The following SETX variants were observed in gnomAD, a reference collection of about 807,000 sequenced individuals.
The protein encoded by SETX is senataxin, also known as helicase senataxin.
SETX carries 90 observed loss-of-function variants against 227.2 expected under a neutral mutation model. The ratio of observed to expected loss-of-function variants is 0.40; its 90% CI spans 0.33 to 0.47. The LOEUF is 0.47. Among genes scored for constraint, SETX ranks in the 20% least tolerant of loss-of-function variants. SETX has a pLI of 0.91. For missense variants in SETX, 3,052 were observed against 3,181.5 expected (o/e 0.96, Z 0.98); for synonymous variants, 1,210 against 1,113.2 (o/e 1.09, Z -1.73).
chr9:132,277,234 G>T, intron 21 of SETX, 82 bp from the exon 22 acceptor site: 1 of 1,229,824 alleles, frequency 8.1e-7, no homozygotes, highest in Non-Finnish European at 1.2e-6. Flanking sequence ...AATTTTTTCT[G>T]TGTGGTGATG....
At chr9:132,312,474 T>C (rs1191642087) in intron 10 of SETX, among the ~76,000 whole-genome samples, 1 of 152,204 alleles carries the variant, frequency 6.6e-6, no homozygotes, top group Non-Finnish European at 1.5e-5. Context: ...CTAACAAATA[T>C]ATTACCTTTT....
Position 132,305,398 on chromosome 9 carries a change from G to T in SETX, c.5375-4595C>A, listed in dbSNP as rs867857077. ...TATTTCGAACAAAAACCTCAAAAAT[G>T]AAAAAAAATTTAAAAAAAATTTTTT... is the stretch of plus-strand genomic sequence containing the variant. On this transcript the variant is annotated intron_variant, in intron 11 of 25. Coordinates refer to ENST00000224140, the MANE Select transcript of SETX (RefSeq NM_015046.7). Among the ~76,000 whole-genome samples the T allele has an allele frequency of 7.0e-4, 100 of 143,744 alleles. 1 individual carries two copies. The highest frequency in any genetic ancestry group is 2.4e-3 in the African/African-American group (92 of 38,802). 94.3% of individuals were successfully genotyped at this position (143,744 alleles called of 152,430 possible).
chr9:132,300,906 C>A, intron 11 of SETX, 103 bp from the exon 12 acceptor site: 1 of 1,051,170 alleles, frequency 9.5e-7, no homozygotes. Context: ...TTCAAAAATA[C>A]ACAGCACTAA....
intron 5 of SETX, among the ~76,000 whole-genome samples, chr9:132,338,132 C>T (rs1043758151): frequency 2.0e-5 from 3 of 148,192 alleles, no homozygotes; most frequent in African/African-American, 5.0e-5. Flanking sequence ...TACTCTATCG[C>T]CCAGGCTGGC....
chr9:132,332,756 A>G (rs1470151187), intron 7 of SETX, among the ~76,000 whole-genome samples: 1 of 151,746 alleles, frequency 6.6e-6, no homozygotes, highest in Non-Finnish European at 1.5e-5. Flanking sequence ...CTTTGTCTCT[A>G]GCAAAAATTT....
chr9:132,353,488 C>T lies in SETX; in HGVS notation c.-8+161G>A, dbSNP rs187132021. On this transcript the variant is annotated intron_variant, in intron 2 of 25. Transcript: ENST00000224140. ...AGAACAACCAGTGTGCAAGCTCTTC[C>T]TGAGTGTCATCACGTCTGGGGGGGG... is the stretch of plus-strand genomic sequence containing the variant. Among the ~76,000 whole-genome samples the T allele has an allele frequency of 8.0e-3, 1,220 of 152,038 alleles. 7 individuals carry two copies. Among genetic ancestry groups the T allele is most frequent in the Non-Finnish European group, 0.014 (927 of 68,000 alleles).
intron 10 of SETX, 135 bp downstream of exon 10, chr9:132,326,189 C>T (rs1446982081): frequency 1.4e-6 from 1 of 719,968 alleles, no homozygotes; most frequent in Non-Finnish European, 2.4e-6. Context: ...GCCTCAGCCT[C>T]CCGAGTAGCT....
At chr9:132,312,637 G>A (rs960591216) in intron 10 of SETX, among the ~76,000 whole-genome samples, 2 of 152,148 alleles carry the variant, frequency 1.3e-5, no homozygotes, top group African/African-American at 2.4e-5. Flanking sequence ...GACTCCACAA[G>A]GGTTATGCTA....
intron 5 of SETX, among the ~76,000 whole-genome samples, chr9:132,339,597 C>T (rs7869435): frequency 0.9 from 136,290 of 152,246 alleles, 61,114 homozygotes; most frequent in Non-Finnish European, 0.92. Context: ...GGGATCTAAC[C>T]TCTCTTTCCA....
chr9:132,298,691 A>G (rs1219863492), intron 12 of SETX, among the ~76,000 whole-genome samples: 4 of 152,232 alleles, frequency 2.6e-5, no homozygotes, highest in African/African-American at 7.2e-5. Context: ...ATAGTACTAC[A>G]TGCAGAAAAT....
At position 132,329,115 on chromosome 9, in the gene SETX, T is replaced by A; in HGVS notation, c.2483A>T (p.Asp828Val). 1.2e-6 allele frequency: 2 copies of A among 1,610,264 alleles called. No homozygotes were observed. Among genetic ancestry groups the A allele is most frequent in the South Asian group, 1.1e-5 (1 of 90,626 alleles). ...SNIESFYSRKDTGVQKGDGFI... is the reference protein window; with the variant it reads ...SNIESFYSRKVTGVQKGDGFI... The stretch of plus-strand genomic sequence containing the variant: ...ACCATCTCCTTTCTGAACTCCTGTA[T>A]CTTTCCTTGAATAGAAACTCTCAAT... Residue 828 changes from aspartate to valine, a missense_variant, in exon 10 of 26, where the codon GAT becomes GTT. Around this residue, in one of 10 missense-constraint regions of SETX, gnomAD observed 1,483 missense variants for 1,312.0 expected, o/e 1.13. Transcript: ENST00000224140.
At chr9:132,296,784 A>AC (rs1220349724) in intron 14 of SETX, 103 bp downstream of exon 14, 2 of 1,071,704 alleles carry the variant, frequency 1.9e-6, no homozygotes. Flanking sequence ...TATACAAATC[A>AC]AAGAGGAAAT....
At chr9:132,294,731 C>T (rs1418490540) in intron 15 of SETX, among the ~76,000 whole-genome samples, 2 of 152,142 alleles carry the variant, frequency 1.3e-5, no homozygotes, top group East Asian at 1.9e-4. Context: ...CTTTTCCTCA[C>T]ACTTGCTGGA....
intron 22 of SETX, among the ~76,000 whole-genome samples, 176 bp downstream of exon 22, chr9:132,276,884 T>C (rs1287811681): frequency 1.3e-5 from 2 of 152,188 alleles, no homozygotes; most frequent in East Asian, 3.8e-4. Context: ...GCTTATGACA[T>C]TAGGTAATAT....
In SETX at chr9:132,288,525, AGTATAT is replaced by A; in HGVS notation, c.6208+19_6208+24del. On this transcript the variant is annotated intron_variant, in intron 16 of 25. Coordinates refer to ENST00000224140, the MANE Select transcript of SETX (RefSeq NM_015046.7). ...CACCAAACAAAACAGAGAAAACACT[AGTATAT>A]ACCACATTCAGTACTTACTCATTCT... The A allele has an allele frequency of 6.5e-7, 1 of 1,548,134 alleles. No homozygotes were observed. Among genetic ancestry groups the A allele is most frequent in the Non-Finnish European group, 8.9e-7 (1 of 1,120,134 alleles).
rs148215896 is a variant in SETX at position 132,281,640 on chromosome 9, T to C, written c.6547-66A>G. ...TTGCTATTTATCCATATAGTTTATC[T>C]GATTAAAGTTCTAACCATTCAGAAA... On this transcript the variant is annotated intron_variant, in intron 19 of 25. Coordinates refer to ENST00000224140, the MANE Select transcript of SETX (RefSeq NM_015046.7). 1.1e-4 allele frequency: 123 copies of C among 1,125,996 alleles called. No individual in the cohort carries two copies. In the African/African-American group the frequency reaches 1.5e-3, roughly 13 times the overall value. The allele number at this position is 1,125,996 out of a possible 1,614,324, so 69.8% of individuals were successfully genotyped here.
Position 132,327,931 on chromosome 9 carries a change from ACTT to A in SETX, c.3664_3666del (p.Lys1222del), listed in dbSNP as rs1238089698. On this transcript the variant is annotated inframe_deletion, in exon 10 of 26. Transcript: ENST00000224140. Reference sequence around the variant, plus strand: ...TCTGTACAAGTACAAAGCTTTGAAGACTTCTTTTGTGAAACCGTAGTGGCTCTC... The same window carrying A: ...TCTGTACAAGTACAAAGCTTTGAAGACTTTTGTGAAACCGTAGTGGCTCTC... 13 of 1,613,948 alleles carry A rather than the reference ACTT, an allele frequency of 8.1e-6. No homozygotes were observed. The highest frequency in any genetic ancestry group is 1.3e-5 in the African/African-American group (1 of 74,888).
At position 132,286,514 on chromosome 9, in the gene SETX, T is replaced by C. The variant is rs185222249; in HGVS notation, c.6325-20A>G. ...TTGCCTCTGGAAAAAAATTCAAATG[T>C]CACAATTAAAACTAAACTAAGCATT... On this transcript the variant is annotated intron_variant, in intron 17 of 25. Transcript: ENST00000224140. The C allele has an allele frequency of 2.6e-5, 41 of 1,581,638 alleles. No homozygotes were observed. In the African/African-American group the frequency reaches 5.2e-4, roughly 20 times the overall value.
chr9:132,270,448 G>A (rs902081670), intron 24 of SETX, among the ~76,000 whole-genome samples: 6 of 152,250 alleles, frequency 3.9e-5, no homozygotes, highest in Non-Finnish European at 5.9e-5. Context: ...GCCCATGTGA[G>A]ACACAGGTGG....
Sources: allele counts gnomAD v4.1 joint callset (sites outside exome capture counted in the v4.1 genomes callset), GRCh38; gene constraint gnomAD v4.1.1; regional missense constraint gnomAD v4.1.1; transcripts MANE v1.5; gene names NCBI Gene and HGNC (gene_info 2026-07-23, HGNC 2026-07-21).